ZNF408: variants seen among roughly 807,000 people sequenced by gnomAD.
The protein encoded by ZNF408 is zinc finger protein 408, also known as PR domain zinc finger protein 17.
A neutral mutation model predicts 27.6 loss-of-function variants in ZNF408; 24 were observed. The observed-to-expected ratio is 0.87, with a 90% CI of 0.63 to 1.22. ZNF408 has a LOEUF of 1.22. ZNF408 is among the 50% of genes most tolerant of loss of function. ZNF408 has a pLI of 0.00. For missense variants in ZNF408, 897 were observed against 949.0 expected (o/e 0.95, Z 0.72); for synonymous variants, 410 against 396.1 (o/e 1.04, Z -0.42).
intron 1 of ZNF408, 150 bp downstream of exon 1, chr11:46,701,249 G>A (rs2064701954): frequency 1.1e-5 from 17 of 1,557,176 alleles, no homozygotes; most frequent in Admixed American, 1.8e-5. Flanking sequence ...GAGCCCTTGA[G>A]CCTCCTCAAA....
In ZNF408 at chr11:46,701,487, G is replaced by T; in HGVS notation, c.141G>T (p.Pro47=). The T allele has an allele frequency of 7.4e-6, 12 of 1,614,048 alleles. No individual in the cohort carries two copies. Among genetic ancestry groups the T allele is most frequent in the Non-Finnish European group, 1.0e-5 (12 of 1,180,026 alleles). The change falls in exon 2 of 5, where the codon CCG becomes CCT. Residue 47 remains proline (P), a synonymous_variant. Coordinates refer to ENST00000311764, the MANE Select transcript of ZNF408 (RefSeq NM_024741.3). ...TQGLKDVPPE[P]TRDILALKSL... is the part of the protein sequence containing the mutation. ...GCCTCAAAGACGTCCCACCCGAGCC[G>T]ACCCGAGACATCCTCGCTTTAAAGA...
chr11:46,701,484 G>T lies in ZNF408; in HGVS notation c.138G>T (p.Glu46Asp). 1.2e-6 allele frequency: 2 copies of T among 1,614,054 alleles called. No homozygotes were observed. The highest frequency in any genetic ancestry group is 1.7e-6 in the Non-Finnish European group (2 of 1,180,026). The change falls in exon 2 of 5, where the codon GAG becomes GAT. Residue 46 changes from glutamate to aspartate, a missense_variant. Coordinates refer to ENST00000311764, the MANE Select transcript of ZNF408 (RefSeq NM_024741.3). The stretch of plus-strand genomic sequence containing the variant: ...AGGGCCTCAAAGACGTCCCACCCGA[G>T]CCGACCCGAGACATCCTCGCTTTAA... ...CTQGLKDVPP[E>D]PTRDILALKS...
In ZNF408 at chr11:46,703,341, G is replaced by A. The variant is rs951777150; in HGVS notation, c.652+98G>A. On this transcript the variant is annotated intron_variant, in intron 4 of 4. Transcript: ENST00000311764. ...GTTTATGGCTCATTGCGGTAAGGAA[G>A]GACACTATAGAGTCTTAGTAGCTTT... is the stretch of plus-strand genomic sequence containing the variant. The A allele has an allele frequency of 2.8e-6, 4 of 1,420,252 alleles. No homozygotes were observed. In the African/African-American group the frequency reaches 5.7e-5, roughly 20 times the overall value. The allele number at this position is 1,420,252 out of a possible 1,614,324, so 88.0% of individuals were successfully genotyped here. A position where few individuals can be genotyped will look rare whatever the true frequency, so the allele number is the denominator to read the frequency against.
intron 2 of ZNF408, 70 bp downstream of exon 2, chr11:46,701,746 C>A: frequency 1.4e-6 from 2 of 1,438,170 alleles, no homozygotes; most frequent in Non-Finnish European, 1.8e-6. Flanking sequence ...TGCTAGACAG[C>A]TTTTCAATTT....
Position 46,705,273 on chromosome 11 carries a change from C to A in ZNF408, c.1573C>A (p.Arg525Ser). ...LRLHTGERPYRCPHCADAFPQ... is the reference protein window; with the variant it reads ...LRLHTGERPYSCPHCADAFPQ... ...GCTCCACACCGGGGAGCGTCCTTAC[C>A]GCTGCCCACACTGTGCCGATGCCTT... The change falls in exon 5 of 5, where the codon CGC (arginine) becomes AGC (serine). Residue 525 changes from arginine (R) to serine (S), a missense_variant. Transcript: ENST00000311764. The surrounding 1 kb of genome is among the most constrained non-coding windows in gnomAD (Gnocchi z 6.5). 6.2e-7 allele frequency: 1 copy of A among 1,612,262 alleles called. No individual in the cohort carries two copies. The highest frequency in any genetic ancestry group is 8.5e-7 in the Non-Finnish European group (1 of 1,179,958).
At position 46,701,064 on chromosome 11, in the gene ZNF408, A is replaced by G; in HGVS notation, c.17A>G (p.Glu6Gly). The change falls in exon 1 of 5, where the codon GAG becomes GGG. Residue 6 changes from glutamate (E) to glycine (G), a missense_variant. Coordinates refer to ENST00000311764, the MANE Select transcript of ZNF408 (RefSeq NM_024741.3). ...TGACCCGGAATGGAGGAGGCGGAGG[A>G]GCTGCTCTTGGAGGGGAAGAAGGCG... is the stretch of plus-strand genomic sequence containing the variant. MEEAE[E>G]LLLEGKKALQ... 1 of 1,614,116 alleles carries G rather than the reference A, an allele frequency of 6.2e-7. No individual in the cohort carries two copies. The highest frequency in any genetic ancestry group is 1.3e-5 in the African/African-American group (1 of 75,032).
chr11:46,704,644 A>G lies in ZNF408; in HGVS notation c.944A>G (p.Gln315Arg). 1 of 1,613,788 alleles carries G rather than the reference A, an allele frequency of 6.2e-7. No homozygotes were observed. The highest frequency in any genetic ancestry group is 2.2e-5 in the East Asian group (1 of 44,842). ...LAKKLHSPSD[Q>R]CPPRAKTPEP... is the part of the protein sequence containing the mutation. ...AAGAAGTTACACAGCCCCAGTGATC[A>G]GTGCCCACCCAGAGCAAAGACCCCA... Residue 315 changes from glutamine (Q) to arginine (R), a missense_variant, in exon 5 of 5, where the codon CAG (glutamine) becomes CGG (arginine). Transcript: ENST00000311764.
chr11:46,705,588 C>T lies in ZNF408; in HGVS notation c.1888C>T (p.Arg630Trp), dbSNP rs745529105. ...CCTCAGGCGGCATCAGCTCAGTCAC[C>T]GGCCTGAGGCACCCTGCAGCCCACC... ...QSLRRHQLSH[R>W]PEAPCSPPSV... The change falls in exon 5 of 5, where the codon CGG becomes TGG. Residue 630 changes from arginine to tryptophan, a missense_variant. By Grantham distance (101) the Arg-to-Trp change is moderately radical. Coordinates refer to ENST00000311764, the MANE Select transcript of ZNF408 (RefSeq NM_024741.3). This position sits in a 1 kb window ranked among gnomAD's most constrained non-coding sequence, Gnocchi z 6.5. 23 of 1,608,408 alleles carry T rather than the reference C, an allele frequency of 1.4e-5. No homozygotes were observed. The highest frequency in any genetic ancestry group is 1.6e-4 in the Middle Eastern group (1 of 6,082).
At position 46,704,854 on chromosome 11, in the gene ZNF408, A is replaced by AGT. The variant is rs1176158658; in HGVS notation, c.1158_1159dup (p.Gly387ValfsTer102). 1 of 1,602,486 alleles carries AGT rather than the reference A, an allele frequency of 6.2e-7. No homozygotes were observed. Among genetic ancestry groups the AGT allele is most frequent in the African/African-American group, 1.3e-5 (1 of 74,546 alleles). On this transcript the variant is annotated frameshift_variant, in exon 5 of 5. Transcript: ENST00000311764. LOFTEE classifies it low-confidence loss of function (END_TRUNC). ...GGCCACAAGCCCTTTCTTTGCACTG[A>AGT]GTGTGGCAAGAGCTATAGCTCAGAG...
At position 46,704,540 on chromosome 11, in the gene ZNF408, T is replaced by A; in HGVS notation, c.840T>A (p.Ala280=). ...QMPPELQSNS[A]TQQDPDGSGA... ...CACCTGAACTTCAGAGCAATTCGGC[T>A]ACCCAGCAGGACCCAGATGGCAGTG... Residue 280 remains alanine, a synonymous_variant, in exon 5 of 5, where the codon GCT becomes GCA. Coordinates refer to ENST00000311764, the MANE Select transcript of ZNF408 (RefSeq NM_024741.3). 1.9e-6 allele frequency: 3 copies of A among 1,613,788 alleles called. No homozygotes were observed. The highest frequency in any genetic ancestry group is 2.5e-6 in the Non-Finnish European group (3 of 1,179,952).
chr11:46,701,834 G>A (rs1267865501), intron 2 of ZNF408, 158 bp downstream of exon 2: 2 of 965,578 alleles, frequency 2.1e-6, no homozygotes, highest in Non-Finnish European at 2.9e-6. Context: ...AGCAGCAGTA[G>A]TTAAAGAATC....
intron 4 of ZNF408, among the ~76,000 whole-genome samples, chr11:46,703,654 A>G (rs1048518812): frequency 3.3e-5 from 5 of 152,042 alleles, no homozygotes; most frequent in Non-Finnish European, 7.4e-5. Context: ...CACGGTTTCC[A>G]GCCTCCCATG....
In ZNF408 at chr11:46,705,320, G is replaced by T; in HGVS notation, c.1620G>T (p.Arg540=). 1 of 1,611,814 alleles carries T rather than the reference G, an allele frequency of 6.2e-7. No individual in the cohort carries two copies. Among genetic ancestry groups the T allele is most frequent in the Non-Finnish European group, 8.5e-7 (1 of 1,179,932 alleles). The part of the protein sequence containing the change: ...ADAFPQLPEL[R]RHLISHTGEA... The stretch of plus-strand genomic sequence containing the variant: ...CCTTCCCCCAGCTGCCTGAACTGCG[G>T]CGCCATCTCATCTCACACACCGGGG... The change falls in exon 5 of 5, where the codon CGG becomes CGT. Residue 540 remains arginine, a synonymous_variant. Coordinates refer to ENST00000311764, the MANE Select transcript of ZNF408 (RefSeq NM_024741.3). The surrounding 1 kb of genome is among the most constrained non-coding windows in gnomAD (Gnocchi z 6.5).
rs766352525 is a variant in ZNF408 at position 46,702,753 on chromosome 11, C to G, written c.380C>G (p.Ser127Cys). ...WGDVCACEQS[S>C]GWTSLVQRGR... ...GACGTGTGTGCCTGTGAGCAGAGTTCTGGCTGGACTAGGTAAGTCAGAGGA... is the reference window on the plus strand; with the variant it reads ...GACGTGTGTGCCTGTGAGCAGAGTTGTGGCTGGACTAGGTAAGTCAGAGGA... Residue 127 changes from serine (S) to cysteine (C), a missense_variant, in exon 3 of 5, where the codon TCT (serine) becomes TGT (cysteine). By Grantham distance (112) the Ser-to-Cys change is moderately radical (BLOSUM62 -1). Coordinates refer to ENST00000311764, the MANE Select transcript of ZNF408 (RefSeq NM_024741.3). The G allele has an allele frequency of 3.1e-6, 5 of 1,614,068 alleles. No individual in the cohort carries two copies. Among genetic ancestry groups the G allele is most frequent in the East Asian group, 4.5e-5 (2 of 44,896 alleles).
At chr11:46,701,844 C>T in intron 2 of ZNF408, 168 bp downstream of exon 2, 1 of 911,732 alleles carries the variant, frequency 1.1e-6, no homozygotes, top group Non-Finnish European at 1.5e-6. Flanking sequence ...GTTAAAGAAT[C>T]GAGGTTTGAA....
rs1275300331 is a variant in ZNF408 at position 46,705,869 on chromosome 11, T to A, written c.*6T>A. ...AGGTGGAGATGGGCACCTGACAGCT[T>A]TGCCTTTTGCTGACACAGCTCCATA... On this transcript the variant is annotated 3_prime_UTR_variant, in exon 5 of 5. Coordinates refer to ENST00000311764, the MANE Select transcript of ZNF408 (RefSeq NM_024741.3). The surrounding 1 kb of genome is among the most constrained non-coding windows in gnomAD (Gnocchi z 6.5). The A allele has an allele frequency of 6.2e-7, 1 of 1,607,602 alleles. No individual in the cohort carries two copies. The highest frequency in any genetic ancestry group is 1.7e-5 in the Admixed American group (1 of 59,396).
At chr11:46,704,255 A>G (rs1452277602) in intron 4 of ZNF408, 98 bp from the exon 5 acceptor site, 9 of 1,312,712 alleles carry the variant, frequency 6.9e-6, no homozygotes, top group African/African-American at 3.0e-5. Flanking sequence ...TCTAAGGCTC[A>G]GGGGCTGGGT....
At chr11:46,701,125 C>T in intron 1 of ZNF408, 26 bp downstream of exon 1, 1 of 1,614,066 alleles carries the variant, frequency 6.2e-7, no homozygotes, top group Non-Finnish European at 8.5e-7. Context: ...TGTCCGCGAC[C>T]CTCAACCTTG....
chr11:46,705,860 C>T lies in ZNF408; in HGVS notation c.2160C>T (p.Thr720=). The T allele has an allele frequency of 6.2e-7, 1 of 1,610,076 alleles. No individual in the cohort carries two copies. The highest frequency in any genetic ancestry group is 8.5e-7 in the Non-Finnish European group (1 of 1,178,162). Residue 720 remains threonine (T), a synonymous_variant, in exon 5 of 5, where the codon ACC becomes ACT. Coordinates refer to ENST00000311764, the MANE Select transcript of ZNF408 (RefSeq NM_024741.3). This position sits in a 1 kb window ranked among gnomAD's most constrained non-coding sequence, Gnocchi z 6.5. ...AGGTGGTGGAGGTGGAGATGGGCAC[C>T]TGACAGCTTTGCCTTTTGCTGACAC... The part of the protein sequence containing the change: ...WAEVVEVEMG[T]
Sources: gnomAD v4.1 joint callset for allele counts (sites outside exome capture counted in the v4.1 genomes callset) on GRCh38, gnomAD v4.1.1 for gene constraint, Gnocchi (gnomAD v3.1) non-coding constraint, MANE v1.5 for transcripts, NCBI Gene and HGNC (gene_info 2026-07-23, HGNC 2026-07-21) for gene names.